The following GPM6A variants were observed in gnomAD, a reference collection of about 807,000 sequenced individuals.
The protein encoded by GPM6A is glycoprotein M6A, also known as neuronal membrane glycoprotein M6-a.
In GPM6A, 7 loss-of-function variants were observed where a neutral mutation model predicts 32.1. The observed-to-expected ratio is 0.22, with a 90% CI of 0.12 to 0.41. GPM6A has a LOEUF of 0.41. Ranked by LOEUF, GPM6A falls within the 10% of genes least tolerant of loss-of-function variation. The pLI is 1.00. For synonymous variants in GPM6A, 130 were observed against 123.4 expected, an observed-to-expected ratio of 1.05 and a Z score of -0.35; for missense variants, 235 against 347.2, an observed-to-expected ratio of 0.68 and a Z score of 2.57.
intron 1 of GPM6A, among the ~76,000 whole-genome samples, chr4:175,837,161 T>C (rs538375385): frequency 2.6e-5 from 4 of 152,148 alleles, no homozygotes; most frequent in African/African-American, 9.6e-5. Flanking sequence ...GATGCTATGC[T>C]TCTGGCTTTG....
chr4:175,836,810 C>T (rs778108223), intron 1 of GPM6A, among the ~76,000 whole-genome samples: 8 of 152,042 alleles, frequency 5.3e-5, no homozygotes, highest in Non-Finnish European at 1.2e-4. Context: ...TTTTATGGAA[C>T]ATGAGATTAG....
At chr4:175,676,243 G>T (rs1221553300) in intron 2 of GPM6A, among the ~76,000 whole-genome samples, 1 of 152,148 alleles carries the variant, frequency 6.6e-6, no homozygotes, top group East Asian at 1.9e-4. Flanking sequence ...TCTCAGGTAT[G>T]TCTTTTATAG....
chr4:175,772,788 CAAAG>C (rs1560925114), intron 1 of GPM6A, among the ~76,000 whole-genome samples: 1 of 151,906 alleles, frequency 6.6e-6, no homozygotes, highest in East Asian at 1.9e-4. Flanking sequence ...CACCAAAATA[CAAAG>C]AGAGACAGAG....
At chr4:175,900,347 GGAAAA>G (rs1417152856) in intron 1 of GPM6A, among the ~76,000 whole-genome samples, 6 of 56,354 alleles carry the variant, frequency 1.1e-4, no homozygotes, top group East Asian at 7.1e-4. Flanking sequence ...GGAAAGGAAA[GGAAAA>G]GAAAGGAAAG....
intron 1 of GPM6A, among the ~76,000 whole-genome samples, chr4:175,947,914 A>C (rs1739663556): frequency 6.6e-6 from 1 of 152,228 alleles, no homozygotes; most frequent in African/African-American, 2.4e-5. Context: ...GGCACTTGAT[A>C]ATTAGTGAAT....
At chr4:175,987,498 A>T (rs1015771961) in intron 1 of GPM6A, among the ~76,000 whole-genome samples, 1 of 150,818 alleles carries the variant, frequency 6.6e-6, no homozygotes, top group Admixed American at 6.7e-5. Context: ...TAGTTAAGAC[A>T]AACTTACTTT....
chr4:175,652,708 C>T (rs1220852338), intron 3 of GPM6A, among the ~76,000 whole-genome samples: 2 of 151,796 alleles, frequency 1.3e-5, no homozygotes, highest in Non-Finnish European at 2.9e-5. Context: ...GAATAAAATA[C>T]TTAGTTTAAG....
At chr4:175,840,518 A>AAAT (rs1391152524) in intron 1 of GPM6A, among the ~76,000 whole-genome samples, 5 of 152,158 alleles carry the variant, frequency 3.3e-5, no homozygotes, top group African/African-American at 4.8e-5. Flanking sequence ...TTTCTACTAA[A>AAAT]AATACAAAAA....
intron 1 of GPM6A, chr4:175,808,548 T>G (rs1734791408): frequency 6.6e-6 from 1 of 152,194 alleles, no homozygotes; most frequent in Non-Finnish European, 1.5e-5. Context: ...CATTGAACTT[T>G]GGCTGTATAT....
intron 1 of GPM6A, among the ~76,000 whole-genome samples, chr4:175,964,278 T>C (rs1740265688): frequency 7.3e-6 from 1 of 137,310 alleles, no homozygotes; most frequent in Non-Finnish European, 1.6e-5. Flanking sequence ...CCAAACTCTA[T>C]GTTGTCCAAA....
chr4:175,729,539 G>C (rs941704799), intron 1 of GPM6A, among the ~76,000 whole-genome samples: 2 of 151,936 alleles, frequency 1.3e-5, no homozygotes, highest in South Asian at 2.1e-4. Context: ...TAGCACAAAA[G>C]GATGACTACA....
At chr4:175,937,946 CT>C (rs1302280749) in intron 1 of GPM6A, among the ~76,000 whole-genome samples, 4 of 152,026 alleles carry the variant, frequency 2.6e-5, no homozygotes, top group African/African-American at 9.7e-5. Flanking sequence ...AGTGAGGTGA[CT>C]TTCTACCACC....
chr4:175,930,275 G>A (rs559241271), intron 1 of GPM6A, among the ~76,000 whole-genome samples: 1 of 152,036 alleles, frequency 6.6e-6, no homozygotes, highest in South Asian at 2.1e-4. Flanking sequence ...AAAACTGCCA[G>A]GGAAGTTTAT....
At chr4:175,784,822 T>C (rs1733736834) in intron 1 of GPM6A, among the ~76,000 whole-genome samples, 1 of 152,150 alleles carries the variant, frequency 6.6e-6, no homozygotes, top group Admixed American at 6.6e-5. Flanking sequence ...CACAAACTCT[T>C]GGGAGCAAAT....
At chr4:175,679,832 T>C (rs1209938604) in intron 2 of GPM6A, among the ~76,000 whole-genome samples, 1 of 152,204 alleles carries the variant, frequency 6.6e-6, no homozygotes, top group Non-Finnish European at 1.5e-5. Context: ...AGCTGGTTCT[T>C]GTATCTTTGT....
intron 2 of GPM6A, among the ~76,000 whole-genome samples, chr4:175,700,237 A>G (rs1347929107): frequency 2.6e-5 from 4 of 152,162 alleles, no homozygotes; most frequent in Admixed American, 2.6e-4. Flanking sequence ...TGATATTTAT[A>G]AAAAATACTT....
At chr4:175,930,250 T>G (rs989331167) in intron 1 of GPM6A, among the ~76,000 whole-genome samples, 1 of 152,228 alleles carries the variant, frequency 6.6e-6, no homozygotes, top group Admixed American at 6.5e-5. Context: ...GAAACAGCAT[T>G]AGCAGTTTCA....
At chr4:175,761,864 G>A (rs1196547612) in intron 1 of GPM6A, among the ~76,000 whole-genome samples, 3 of 151,034 alleles carry the variant, frequency 2.0e-5, no homozygotes, top group East Asian at 3.9e-4. Flanking sequence ...GCATGATCAC[G>A]GCTCACTCCA....
At chr4:175,806,886 A>G (rs927097514) in intron 1 of GPM6A, 1 of 152,216 alleles carries the variant, frequency 6.6e-6, no homozygotes, top group Non-Finnish European at 1.5e-5. Flanking sequence ...AAATGCAGAA[A>G]TGGCAGCTGA....
Sources: gnomAD v4.1 joint callset for allele counts (sites outside exome capture counted in the v4.1 genomes callset) on GRCh38, gnomAD v4.1.1 for gene constraint, MANE v1.5 for transcripts, NCBI Gene and HGNC (gene_info 2026-07-23, HGNC 2026-07-21) for gene names.